ZNF33B: variants seen among roughly 807,000 people sequenced by gnomAD.
The protein encoded by ZNF33B is zinc finger protein 33B, also known as zinc finger protein 11b (KOX 2).
ZNF33B carries 29 observed loss-of-function variants against 45.8 expected under a neutral mutation model. The observed-to-expected ratio is 0.63, with a 90% CI of 0.47 to 0.86. ZNF33B has a LOEUF of 0.86. Among genes scored for constraint, ZNF33B ranks in the 40% least tolerant of loss-of-function variants. The pLI, the probability that ZNF33B is intolerant of heterozygous loss-of-function variation, is 0.00. For synonymous variants in ZNF33B, 305 were observed against 307.8 expected (o/e 0.99, Z 0.10); for missense variants, 831 against 909.9 (o/e 0.91, Z 1.12).
chr10:42,592,934 T>C lies in ZNF33B; in HGVS notation c.2016A>G (p.Lys672=), dbSNP rs1273570964. 3.7e-6 allele frequency: 6 copies of C among 1,613,868 alleles called. No individual in the cohort carries two copies. The highest frequency in any genetic ancestry group is 5.1e-6 in the Non-Finnish European group (6 of 1,179,934). Residue 672 remains lysine, a synonymous_variant, in exon 5 of 5, where the codon AAA becomes AAG. Transcript: ENST00000359467. ...EKPYKCNECG[K]SFCVKSGLIL... ...TAAGTCCTGACTTCACACAGAAAGA[T>C]TTTCCACATTCGTTACATTTATAAG...
chr10:42,577,337 C>T (rs1836762347), intron 1 of ZNF33B, among the ~76,000 whole-genome samples: 1 of 152,092 alleles, frequency 6.6e-6, no homozygotes, highest in African/African-American at 2.4e-5. Flanking sequence ...GGAACATCCT[C>T]ACCCTCTCCC....
At chr10:42,611,899 A>T (rs892297152) in intron 4 of ZNF33B, among the ~76,000 whole-genome samples, 1 of 152,198 alleles carries the variant, frequency 6.6e-6, no homozygotes, top group African/African-American at 2.4e-5. Flanking sequence ...ACAAACACAG[A>T]AAGTTTTATT....
rs1428649236 is a variant in ZNF33B, at chr10:42,593,889, T to C, written c.1061A>G (p.Glu354Gly). The C allele has an allele frequency of 6.2e-7, 1 of 1,613,916 alleles. No individual in the cohort carries two copies. The highest frequency in any genetic ancestry group is 1.3e-5 in the African/African-American group (1 of 74,894). The change falls in exon 5 of 5, where the codon GAG becomes GGG. Residue 354 changes from glutamate to glycine, a missense_variant. Glu to Gly is a moderately conservative substitution (Grantham distance 98). Coordinates refer to ENST00000359467, the MANE Select transcript of ZNF33B (RefSeq NM_006955.3). The part of the protein sequence containing the change: ...LTRHQRVHTG[E>G]KHFQCNQCGK... ...ACATTGATTACATTGAAAGTGTTTC[T>C]CTCCTGTGTGCACCCTCTGATGTCG...
At chr10:42,606,470 G>GA (rs201116909) in intron 4 of ZNF33B, among the ~76,000 whole-genome samples, 4 of 151,424 alleles carry the variant, frequency 2.6e-5, no homozygotes, top group African/African-American at 9.7e-5. Context: ...ATCTCAGGGG[G>GA]AAAAAAAATA....
At chr10:42,579,022 C>G (rs1836786175) in intron 1 of ZNF33B, among the ~76,000 whole-genome samples, 1 of 152,122 alleles carries the variant, frequency 6.6e-6, no homozygotes, top group Non-Finnish European at 1.5e-5. Flanking sequence ...GCAAATATTA[C>G]AACAGATCTT....
chr10:42,602,084 A>G (rs1028510646), intron 4 of ZNF33B, among the ~76,000 whole-genome samples: 1 of 151,406 alleles, frequency 6.6e-6, no homozygotes, highest in Non-Finnish European at 1.5e-5. Context: ...ACACCCAGCT[A>G]ATTTTTTTGT....
intron 4 of ZNF33B, among the ~76,000 whole-genome samples, chr10:42,610,306 T>A (rs144485508): frequency 1.5e-4 from 23 of 152,078 alleles, no homozygotes; most frequent in African/African-American, 4.8e-4. Flanking sequence ...AATGCCGAGG[T>A]GGCTGGATCA....
intron 4 of ZNF33B, among the ~76,000 whole-genome samples, chr10:42,613,856 T>C (rs1838201331): frequency 6.6e-6 from 1 of 152,196 alleles, no homozygotes; most frequent in South Asian, 2.1e-4. Context: ...TGGTTTCTAA[T>C]ACCATTCTCA....
intron 2 of ZNF33B, among the ~76,000 whole-genome samples, chr10:42,633,453 T>A (rs1839143913): frequency 6.6e-6 from 1 of 152,200 alleles, no homozygotes; most frequent in Non-Finnish European, 1.5e-5. Flanking sequence ...AAACAACATT[T>A]ACATAAACTA....
intron 4 of ZNF33B, among the ~76,000 whole-genome samples, chr10:42,596,399 T>C (rs1837401680): frequency 6.6e-6 from 1 of 152,186 alleles, no homozygotes; most frequent in African/African-American, 2.4e-5. Context: ...GTTATACATA[T>C]GACTCAGCTT....
chr10:42,601,315 A>G (rs1837607032), intron 4 of ZNF33B, among the ~76,000 whole-genome samples: 1 of 151,918 alleles, frequency 6.6e-6, no homozygotes, highest in African/African-American at 2.4e-5. Flanking sequence ...AGCTTCTTAG[A>G]TCGGTAGGTT....
At chr10:42,595,544 C>A (rs1171720783) in intron 4 of ZNF33B, among the ~76,000 whole-genome samples, 1 of 152,150 alleles carries the variant, frequency 6.6e-6, no homozygotes, top group African/African-American at 2.4e-5. Context: ...TATGTTAAAA[C>A]CCCAACCTCC....
chr10:42,595,413 T>C (rs1423919514), intron 4 of ZNF33B, among the ~76,000 whole-genome samples: 3 of 152,116 alleles, frequency 2.0e-5, no homozygotes, highest in East Asian at 1.9e-4. Context: ...AATGAAGTTG[T>C]AAAGAGGACA....
chr10:42,606,662 C>T (rs1837868320), intron 4 of ZNF33B, among the ~76,000 whole-genome samples: 1 of 151,582 alleles, frequency 6.6e-6, no homozygotes, highest in Non-Finnish European at 1.5e-5. Context: ...GGGAGGGGAA[C>T]AACACACACT....
At chr10:42,637,943 C>T (rs2132187820) in intron 1 of ZNF33B, among the ~76,000 whole-genome samples, 1 of 152,294 alleles carries the variant, frequency 6.6e-6, no homozygotes, top group East Asian at 1.9e-4. Flanking sequence ...AGAGCCACCG[C>T]GCTAGGCCAA....
chr10:42,612,413 T>C (rs1838139534), intron 4 of ZNF33B, among the ~76,000 whole-genome samples: 2 of 152,022 alleles, frequency 1.3e-5, no homozygotes, highest in South Asian at 4.2e-4. Context: ...ATTTGGTATT[T>C]TTAATAGAGA....
downstream of ZNF33B, among the ~76,000 whole-genome samples, chr10:42,584,446 G>A (rs1836888322): frequency 6.6e-6 from 1 of 152,102 alleles, no homozygotes; most frequent in Admixed American, 6.5e-5. Flanking sequence ...ACAGGGTGCT[G>A]CTCCACAACG....
intron 4 of ZNF33B, among the ~76,000 whole-genome samples, chr10:42,621,453 A>C (rs1838585824): frequency 6.6e-6 from 1 of 152,160 alleles, no homozygotes; most frequent in Non-Finnish European, 1.5e-5. Context: ...TTAATGGTAT[A>C]TTAAGAGGAG....
chr10:42,594,435 G>C lies in ZNF33B; in HGVS notation c.515C>G (p.Ala172Gly). ...YLGKKSDEFNACGKLLLNIKH... is the reference protein window; with the variant it reads ...YLGKKSDEFNGCGKLLLNIKH... ...AATATTGAGTAACAATTTCCCACATGCATTAAATTCGTCAGACTTTTTTCC... is the reference window on the plus strand; with the variant it reads ...AATATTGAGTAACAATTTCCCACATCCATTAAATTCGTCAGACTTTTTTCC... The change falls in exon 5 of 5, where the codon GCA becomes GGA. Residue 172 changes from alanine to glycine, a missense_variant. Physicochemically the swap from Ala to Gly is moderately conservative, Grantham distance 60 (BLOSUM62 0). Transcript: ENST00000359467. 1 of 1,613,556 alleles carries C rather than the reference G, an allele frequency of 6.2e-7. No individual in the cohort carries two copies. The highest frequency in any genetic ancestry group is 8.5e-7 in the Non-Finnish European group (1 of 1,179,790).
Sources: allele counts gnomAD v4.1 joint callset (sites outside exome capture counted in the v4.1 genomes callset), GRCh38; gene constraint gnomAD v4.1.1; transcripts MANE v1.5; gene names NCBI Gene and HGNC (gene_info 2026-07-23, HGNC 2026-07-21).